MGAT4C: variants seen among roughly 807,000 people sequenced by gnomAD.
The protein encoded by MGAT4C is alpha-1,3-mannosyl-glycoprotein 4-beta-N-acetylglucosaminyltransferase C.
MGAT4C carries 19 observed loss-of-function variants against 40.1 expected under a neutral mutation model. That is an observed-to-expected ratio of 0.47 (90% confidence interval 0.33 to 0.70). The LOEUF is 0.70. Among genes scored for constraint, MGAT4C ranks in the 30% least tolerant of loss-of-function variants. MGAT4C has a pLI of 0.02. For synonymous variants in MGAT4C, 181 were observed against 187.1 expected (o/e 0.97, Z 0.27); for missense variants, 491 against 563.2 (o/e 0.87, Z 1.30).
intron 3 of MGAT4C, among the ~76,000 whole-genome samples, chr12:86,356,829 C>T (rs1396932594): frequency 1.3e-5 from 2 of 152,080 alleles, no homozygotes; most frequent in Non-Finnish European, 2.9e-5. Context: ...CCAGGAAGCT[C>T]GAACTGGGTG....
chr12:86,470,442 C>A (rs1957742582), intron 2 of MGAT4C, among the ~76,000 whole-genome samples: 1 of 152,044 alleles, frequency 6.6e-6, no homozygotes, highest in South Asian at 2.1e-4. Context: ...AATAAGACAG[C>A]CCACACTCCA....
At chr12:86,046,766 A>AG (rs1434746309) in intron 2 of MGAT4C, among the ~76,000 whole-genome samples, 2 of 152,162 alleles carry the variant, frequency 1.3e-5, no homozygotes, top group African/African-American at 4.8e-5. Flanking sequence ...CTGTCACAAT[A>AG]CACAGTGAAG....
intron 1 of MGAT4C, among the ~76,000 whole-genome samples, chr12:86,126,057 C>T (rs1880203755): frequency 6.6e-6 from 1 of 151,660 alleles, no homozygotes; most frequent in Non-Finnish European, 1.5e-5. Context: ...TTAAAATTAC[C>T]TATGAAAAGA....
chr12:86,613,581 T>C (rs950808475), intron 2 of MGAT4C, among the ~76,000 whole-genome samples: 3 of 152,268 alleles, frequency 2.0e-5, no homozygotes, highest in Admixed American at 6.5e-5. Context: ...AAAAGCATAA[T>C]CTTGAAATAT....
intron 3 of MGAT4C, among the ~76,000 whole-genome samples, chr12:86,360,376 A>G (rs1955435619): frequency 6.6e-6 from 1 of 152,226 alleles, no homozygotes; most frequent in African/African-American, 2.4e-5. Context: ...CACAGCCAAT[A>G]TCATACTGAA....
chr12:86,437,992 G>A (rs1957166163), intron 2 of MGAT4C, among the ~76,000 whole-genome samples: 1 of 151,886 alleles, frequency 6.6e-6, no homozygotes, highest in South Asian at 2.1e-4. Flanking sequence ...TCAAGTGAAA[G>A]GAAGAGTCAT....
intron 1 of MGAT4C, among the ~76,000 whole-genome samples, chr12:86,759,550 A>C (rs140327396): frequency 6.6e-6 from 1 of 152,026 alleles, no homozygotes; most frequent in African/African-American, 2.4e-5. Context: ...AACACTTGCT[A>C]TCTTTTATTT....
chr12:85,993,763 A>C (rs1415831851), intron 2 of MGAT4C, among the ~76,000 whole-genome samples: 4 of 152,184 alleles, frequency 2.6e-5, no homozygotes, highest in Non-Finnish European at 5.9e-5. Context: ...GGGGAGATAC[A>C]GGAAAAAGGC....
At chr12:86,090,429 G>A (rs1872687458) in intron 1 of MGAT4C, among the ~76,000 whole-genome samples, 1 of 151,602 alleles carries the variant, frequency 6.6e-6, no homozygotes, top group African/African-American at 2.4e-5. Flanking sequence ...GAAAATTCAG[G>A]AGTGATATAC....
intron 2 of MGAT4C, among the ~76,000 whole-genome samples, chr12:86,611,075 G>A (rs1962241651): frequency 6.6e-6 from 1 of 151,464 alleles, no homozygotes; most frequent in African/African-American, 2.4e-5. Context: ...CATAGATCCT[G>A]AATGTACAGC....
intron 3 of MGAT4C, among the ~76,000 whole-genome samples, chr12:86,411,996 G>A (rs1051458993): frequency 2.6e-5 from 4 of 152,192 alleles, no homozygotes; most frequent in Non-Finnish European, 5.9e-5. Flanking sequence ...AGGCCTGGTG[G>A]CTTCCACATG....
At chr12:86,236,066 A>C (rs1357673289) in intron 1 of MGAT4C, among the ~76,000 whole-genome samples, 2 of 152,068 alleles carry the variant, frequency 1.3e-5, no homozygotes, top group African/African-American at 4.8e-5. Context: ...GGTCTAATTT[A>C]TGGCCATTTA....
chr12:86,242,045 T>A (rs952623448), intron 1 of MGAT4C, among the ~76,000 whole-genome samples: 8 of 152,108 alleles, frequency 5.3e-5, no homozygotes, highest in Non-Finnish European at 1.0e-4. Flanking sequence ...ACCTCCATCT[T>A]TTCACTATAC....
At chr12:86,205,521 A>G (rs1022285455) in intron 1 of MGAT4C, among the ~76,000 whole-genome samples, 3 of 151,644 alleles carry the variant, frequency 2.0e-5, no homozygotes, top group Admixed American at 6.6e-5. Flanking sequence ...TAATCCTATA[A>G]AAGCAATATT....
At chr12:86,816,587 T>C (rs1208231560) in intron 1 of MGAT4C, among the ~76,000 whole-genome samples, 1 of 151,722 alleles carries the variant, frequency 6.6e-6, no homozygotes, top group Non-Finnish European at 1.5e-5. Flanking sequence ...TTTTAATACA[T>C]TCTGGTTAAA....
intron 1 of MGAT4C, among the ~76,000 whole-genome samples, chr12:86,066,829 T>C (rs751998183): frequency 6.6e-6 from 1 of 151,660 alleles, no homozygotes; most frequent in African/African-American, 2.4e-5. Flanking sequence ...AGGGCTAATA[T>C]CCAGAATCAA....
chr12:86,441,588 A>T (rs1321892238), intron 2 of MGAT4C, among the ~76,000 whole-genome samples: 2 of 147,530 alleles, frequency 1.4e-5, no homozygotes, highest in East Asian at 4.1e-4. Flanking sequence ...ATGAGTGAGA[A>T]CATGCAGTGT....
intron 2 of MGAT4C, among the ~76,000 whole-genome samples, chr12:86,597,617 T>C (rs1193386904): frequency 6.6e-6 from 1 of 152,204 alleles, no homozygotes; most frequent in East Asian, 1.9e-4. Context: ...TTTCAGGTCC[T>C]GCATACTGAT....
At chr12:86,366,245 TC>T (rs1955593603) in intron 3 of MGAT4C, among the ~76,000 whole-genome samples, 1 of 152,236 alleles carries the variant, frequency 6.6e-6, no homozygotes, top group Non-Finnish European at 1.5e-5. Flanking sequence ...TGATTTTGCA[TC>T]CTGAAACTTT....
Sources: gnomAD v4.1 joint callset for allele counts (sites outside exome capture counted in the v4.1 genomes callset) on GRCh38, gnomAD v4.1.1 for gene constraint, MANE v1.5 for transcripts, NCBI Gene and HGNC (gene_info 2026-07-23, HGNC 2026-07-21) for gene names.